AGBL4: variants seen among roughly 807,000 people sequenced by gnomAD.
AGBL4 encodes the protein cytosolic carboxypeptidase 6.
Under a neutral mutation model 66.4 loss-of-function variants are expected in AGBL4, and 58 were observed. That is an observed-to-expected ratio of 0.87 (90% CI 0.71 to 1.09). The LOEUF (loss-of-function observed/expected upper bound fraction) is 1.09, where lower values mean the gene tolerates loss of function less well. AGBL4 is among the 50% of genes least tolerant of loss of function. AGBL4 has a pLI of 0.00. For missense variants in AGBL4, 579 were observed against 631.0 expected (o/e 0.92, Z 0.88); for synonymous variants, 234 against 222.9 (o/e 1.05, Z -0.44).
intron 1 of AGBL4, among the ~76,000 whole-genome samples, chr1:49,989,653 T>C (rs1659777530): frequency 6.6e-6 from 1 of 152,202 alleles, no homozygotes; most frequent in African/African-American, 2.4e-5. Flanking sequence ...TCAGAAATTC[T>C]CCTTTGTTTT....
At chr1:48,763,483 T>C (rs1268489701) in intron 6 of AGBL4, among the ~76,000 whole-genome samples, 1 of 151,934 alleles carries the variant, frequency 6.6e-6, no homozygotes, top group Non-Finnish European at 1.5e-5. Context: ...TGTGTGTGTA[T>C]GTGTGTGTGT....
chr1:49,506,140 T>C (rs1648661387), intron 3 of AGBL4, among the ~76,000 whole-genome samples: 1 of 151,856 alleles, frequency 6.6e-6, no homozygotes, highest in Admixed American at 6.6e-5. Context: ...ATTAGAGGGG[T>C]CAGCGAACTT....
chr1:49,988,241 C>T (rs1029222252), intron 1 of AGBL4, among the ~76,000 whole-genome samples: 5 of 152,038 alleles, frequency 3.3e-5, no homozygotes, highest in African/African-American at 1.2e-4. Context: ...TCTAATTATG[C>T]TTTAATCAAG....
intron 3 of AGBL4, among the ~76,000 whole-genome samples, chr1:49,625,802 A>G (rs1323728938): frequency 1.3e-5 from 2 of 152,104 alleles, no homozygotes; most frequent in Non-Finnish European, 1.5e-5. Context: ...ATAACACCCT[A>G]CCACTAAAGT....
intron 1 of AGBL4, among the ~76,000 whole-genome samples, chr1:49,958,336 T>C (rs1656812595): frequency 6.6e-6 from 1 of 152,006 alleles, no homozygotes; most frequent in South Asian, 2.1e-4. Context: ...CAATTATGTG[T>C]CTTGGAGTTG....
At chr1:49,276,396 A>G (rs1644168678) in intron 3 of AGBL4, among the ~76,000 whole-genome samples, 1 of 152,204 alleles carries the variant, frequency 6.6e-6, no homozygotes, top group South Asian at 2.1e-4. Flanking sequence ...GTTTCAAAGT[A>G]GAGACTCAAG....
chr1:49,902,620 G>A (rs1282829945), intron 1 of AGBL4, among the ~76,000 whole-genome samples: 1 of 152,074 alleles, frequency 6.6e-6, no homozygotes, highest in Non-Finnish European at 1.5e-5. Context: ...GGTGGCACAC[G>A]CCTGTAATCC....
chr1:49,622,606 G>A (rs1252410450), intron 3 of AGBL4, among the ~76,000 whole-genome samples: 152 of 135,714 alleles, frequency 1.1e-3, no homozygotes, highest in Admixed American at 2.9e-3. Context: ...TCCAGCCTGG[G>A]CGACAGAGCG....
At chr1:49,818,676 C>A (rs915830596) in intron 2 of AGBL4, among the ~76,000 whole-genome samples, 1 of 151,912 alleles carries the variant, frequency 6.6e-6, no homozygotes, top group Non-Finnish European at 1.5e-5. Flanking sequence ...TAAAAAGAAC[C>A]AATATGATAT....
intron 5 of AGBL4, among the ~76,000 whole-genome samples, chr1:49,010,659 A>G (rs1662322534): frequency 7.0e-6 from 1 of 143,100 alleles, no homozygotes. Context: ...CCAAAACAGC[A>G]TGGTACTGGT....
chr1:48,529,943 G>T (rs1215516518), downstream of AGBL4, among the ~76,000 whole-genome samples: 1 of 152,148 alleles, frequency 6.6e-6, no homozygotes, highest in African/African-American at 2.4e-5. Flanking sequence ...AGAAGGCAGG[G>T]CTTCAGCAGC....
intron 5 of AGBL4, among the ~76,000 whole-genome samples, chr1:48,996,005 G>C (rs978971207): frequency 6.6e-6 from 1 of 152,136 alleles, no homozygotes. Context: ...TTATGGCAGA[G>C]GATATGGAGG....
At chr1:49,465,952 G>C (rs192384507) in intron 3 of AGBL4, among the ~76,000 whole-genome samples, 22 of 151,948 alleles carry the variant, frequency 1.4e-4, no homozygotes, top group Admixed American at 7.2e-4. Flanking sequence ...GAAAGTAAAA[G>C]AGTCTTGAGA....
intron 5 of AGBL4, among the ~76,000 whole-genome samples, chr1:48,929,707 A>G (rs1017020160): frequency 1.3e-5 from 2 of 152,180 alleles, no homozygotes; most frequent in Non-Finnish European, 2.9e-5. Context: ...GTGGCACTCC[A>G]ACATTGCCAC....
chr1:49,701,126 C>T (rs1047823534), intron 2 of AGBL4, among the ~76,000 whole-genome samples: 2 of 151,818 alleles, frequency 1.3e-5, no homozygotes, highest in Non-Finnish European at 2.9e-5. Context: ...GCTCTAATAT[C>T]CCCAGATAAA....
At chr1:49,736,226 A>G (rs1485688181) in intron 2 of AGBL4, among the ~76,000 whole-genome samples, 1 of 152,158 alleles carries the variant, frequency 6.6e-6, no homozygotes, top group African/African-American at 2.4e-5. Flanking sequence ...CCTTAGACAC[A>G]TTATAATCAA....
chr1:49,497,887 T>A (rs1647753688), intron 3 of AGBL4, among the ~76,000 whole-genome samples: 1 of 152,036 alleles, frequency 6.6e-6, no homozygotes, highest in Non-Finnish European at 1.5e-5. Context: ...AATTTTAAAA[T>A]TTGTTTTTTC....
intron 3 of AGBL4, among the ~76,000 whole-genome samples, chr1:49,281,222 A>G (rs994089585): frequency 1.3e-5 from 2 of 152,230 alleles, no homozygotes; most frequent in African/African-American, 2.4e-5. Flanking sequence ...TTTGGTTTGG[A>G]TGTTGAGAAT....
chr1:49,116,664 A>G (rs1488013668), intron 4 of AGBL4, among the ~76,000 whole-genome samples: 1 of 152,270 alleles, frequency 6.6e-6, no homozygotes, highest in Non-Finnish European at 1.5e-5. Flanking sequence ...TATTGTGAAT[A>G]GTGCCACAAT....
Sources: gnomAD v4.1 joint callset for allele counts (sites outside exome capture counted in the v4.1 genomes callset) on GRCh38, gnomAD v4.1.1 for gene constraint, MANE v1.5 for transcripts, NCBI Gene and HGNC (gene_info 2026-07-23, HGNC 2026-07-21) for gene names.